The following DMD variants were observed in gnomAD, a reference collection of about 807,000 sequenced individuals.
The protein encoded by DMD is dystrophin, also known as mutant dystrophin.
Under a neutral mutation model 330.1 loss-of-function variants are expected in DMD, and 63 were observed. That is an observed-to-expected ratio of 0.19 (90% CI 0.16 to 0.24). The LOEUF (loss-of-function observed/expected upper bound fraction) is 0.24, where lower values mean the gene tolerates loss of function less well. DMD is among the 10% of genes least tolerant of loss of function. The pLI is 1.00. For synonymous variants in DMD, 1,223 were observed against 959.8 expected (o/e 1.27, Z -5.07); for missense variants, 3,344 against 2,684.1 (o/e 1.25, Z -5.43).
intron 11 of DMD, among the ~76,000 whole-genome samples, chrX:32,637,000 A>AAAAAAG (rs750481887): frequency 1.1e-3 from 121 of 110,922 alleles, no homozygotes; most frequent in African/African-American, 3.2e-3. Flanking sequence ...TGTCTCAAAA[A>AAAAAAG]AAAAAGAAAA....
intron 44 of DMD, among the ~76,000 whole-genome samples, chrX:32,037,936 A>G (rs2095963153): frequency 9.0e-6 from 1 of 111,618 alleles, no homozygotes; most frequent in Non-Finnish European, 1.9e-5. Context: ...ACATCTCACA[A>G]CTGAACTTCC....
intron 1 of DMD, among the ~76,000 whole-genome samples, chrX:33,313,972 T>C (rs1280489405): frequency 9.1e-6 from 1 of 109,371 alleles, no homozygotes; most frequent in Non-Finnish European, 1.9e-5. Flanking sequence ...TAGAACAGAA[T>C]GTAGTATGTC....
chrX:31,261,203 C>CT, intron 62 of DMD, 187 bp from the exon 63 acceptor site: 1 of 428,740 alleles, frequency 2.3e-6, no homozygotes, highest in Non-Finnish European at 4.1e-6. Flanking sequence ...CCCCTTTCTG[C>CT]TTTGTTTCCA....
intron 13 of DMD, among the ~76,000 whole-genome samples, chrX:32,576,264 G>A (rs753527404): frequency 1.8e-5 from 2 of 111,225 alleles, no homozygotes; most frequent in African/African-American, 3.3e-5. Flanking sequence ...GCAATTTCAC[G>A]GATAGACTTG....
At chrX:32,934,568 T>C (rs1422560425) in intron 2 of DMD, among the ~76,000 whole-genome samples, 1 of 111,368 alleles carries the variant, frequency 9.0e-6, no homozygotes, top group Non-Finnish European at 1.9e-5. Context: ...CCAAGATCTA[T>C]GCTTGCCTCC....
At chrX:32,122,990 T>C (rs1424955172) in intron 44 of DMD, among the ~76,000 whole-genome samples, 1 of 107,662 alleles carries the variant, frequency 9.3e-6, no homozygotes, top group African/African-American at 3.4e-5. Context: ...AAATGACACC[T>C]ACATGGAAAT....
chrX:31,612,200 G>A (rs1049724768), intron 55 of DMD, among the ~76,000 whole-genome samples: 1 of 111,077 alleles, frequency 9.0e-6, no homozygotes, highest in African/African-American at 3.3e-5. Flanking sequence ...GACTGTTGTA[G>A]GTAGCTCATA....
chrX:32,917,129 C>T (rs758641116), intron 2 of DMD, among the ~76,000 whole-genome samples: 3 of 107,909 alleles, frequency 2.8e-5, no homozygotes, highest in Admixed American at 1.0e-4. Flanking sequence ...TGAGTTCTCA[C>T]GAGATCTGAT....
chrX:31,913,721 AAAAAAC>A (rs1190338834), intron 47 of DMD, among the ~76,000 whole-genome samples: 46 of 103,975 alleles, frequency 4.4e-4, no homozygotes, highest in African/African-American at 1.4e-3. Flanking sequence ...AGATTTTGAA[AAAAAAC>A]AAAAACAAAA....
chrX:31,440,573 G>A (rs1204780764), intron 60 of DMD, among the ~76,000 whole-genome samples: 3 of 112,335 alleles, frequency 2.7e-5, no homozygotes, highest in Non-Finnish European at 1.9e-5. Flanking sequence ...GACTGTGACT[G>A]TGGTACTTCA....
chrX:33,253,580 C>T (rs1197873826), intron 1 of DMD, among the ~76,000 whole-genome samples: 1 of 111,471 alleles, frequency 9.0e-6, no homozygotes, highest in Non-Finnish European at 1.9e-5. Context: ...GAAAGTTTAA[C>T]TGAAGAAAAT....
chrX:31,969,583 C>T (rs6631446), intron 44 of DMD, among the ~76,000 whole-genome samples: 12,903 of 110,655 alleles, frequency 0.12, 541 homozygotes, highest in Admixed American at 0.15. Context: ...AGCAAGCTGA[C>T]AGTAGACCCC....
At chrX:31,870,684 TC>T (rs1293260034) in intron 48 of DMD, among the ~76,000 whole-genome samples, 1 of 112,173 alleles carries the variant, frequency 8.9e-6, no homozygotes, top group African/African-American at 3.2e-5. Context: ...ACTTTAATGG[TC>T]AGTCACTACA....
chrX:32,243,406 A>G (rs1432004632), intron 43 of DMD, among the ~76,000 whole-genome samples: 1 of 111,879 alleles, frequency 8.9e-6, no homozygotes, highest in Admixed American at 9.5e-5. Flanking sequence ...TCTTAAGGAT[A>G]AAAGACAATT....
chrX:32,972,812 T>C (rs2092430005), intron 2 of DMD, among the ~76,000 whole-genome samples: 1 of 112,076 alleles, frequency 8.9e-6, no homozygotes, highest in Non-Finnish European at 1.9e-5. Flanking sequence ...CTTATGAGAA[T>C]TTAATGCCTG....
chrX:33,133,094 A>G (rs1205712761), intron 1 of DMD, among the ~76,000 whole-genome samples: 1 of 110,665 alleles, frequency 9.0e-6, no homozygotes, highest in Non-Finnish European at 1.9e-5. Context: ...TATGTTTGCC[A>G]TATCTTTGAT....
chrX:32,842,814 AT>A (rs11304050), intron 4 of DMD, among the ~76,000 whole-genome samples: 22,038 of 104,499 alleles, frequency 0.21, 5,163 homozygotes, highest in African/African-American at 0.67. Context: ...AATTATTATT[AT>A]TTTTTTTTTT....
chrX:32,470,165 T>G (rs1299552708), intron 22 of DMD, among the ~76,000 whole-genome samples: 1 of 111,280 alleles, frequency 9.0e-6, no homozygotes, highest in Admixed American at 9.6e-5. Context: ...TTACAATTAT[T>G]CATAGGTTTA....
intron 13 of DMD, among the ~76,000 whole-genome samples, chrX:32,593,770 T>C (rs1306269623): frequency 2.7e-5 from 3 of 112,442 alleles, no homozygotes; most frequent in African/African-American, 9.7e-5. Context: ...ACTATATAAA[T>C]GACCAATTTT....
Sources: gnomAD v4.1 joint callset for allele counts (sites outside exome capture counted in the v4.1 genomes callset) on GRCh38, gnomAD v4.1.1 for gene constraint, MANE v1.5 for transcripts, NCBI Gene and HGNC (gene_info 2026-07-23, HGNC 2026-07-21) for gene names.